Variants in ADTRP observed in about 807,000 individuals in gnomAD.
The protein encoded by ADTRP is androgen dependent TFPI regulating protein.
A neutral mutation model predicts 27.0 loss-of-function variants in ADTRP; 20 were observed. The ratio of observed to expected loss-of-function variants is 0.74; its 90% confidence interval spans 0.52 to 1.08. The LOEUF is 1.08. Ranked by LOEUF, ADTRP falls within the 50% of genes least tolerant of loss-of-function variation. The probability of loss-of-function intolerance (pLI) is 0.00; values close to 1 mark genes in which losing one functional copy is unlikely to be tolerated. For missense variants in ADTRP, 251 were observed against 275.0 expected (o/e 0.91, Z 0.62); for synonymous variants, 101 against 105.2 (o/e 0.96, Z 0.25).
At chr6:11,759,389 G>A (rs988842883) in intron 3 of ADTRP, among the ~76,000 whole-genome samples, 9 of 152,132 alleles carry the variant, frequency 5.9e-5, no homozygotes, top group Admixed American at 2.6e-4. Context: ...CAGCCATTCT[G>A]AGCTTTACCT....
chr6:11,749,478 G>A (rs1762972007), intron 3 of ADTRP, among the ~76,000 whole-genome samples: 1 of 152,088 alleles, frequency 6.6e-6, no homozygotes, highest in Admixed American at 6.6e-5. Context: ...AAGAACAAAA[G>A]CCATGGGAAT....
chr6:11,771,917 C>T (rs1763793580), intron 1 of ADTRP, among the ~76,000 whole-genome samples: 1 of 152,154 alleles, frequency 6.6e-6, no homozygotes, highest in Non-Finnish European at 1.5e-5. Context: ...CCCACATCTT[C>T]AACTTCCAGC....
intron 3 of ADTRP, among the ~76,000 whole-genome samples, chr6:11,746,161 T>C (rs1298531498): frequency 2.0e-5 from 3 of 152,298 alleles, no homozygotes; most frequent in African/African-American, 7.2e-5. Flanking sequence ...CTATAGGCTA[T>C]CAAGCTAAAG....
At chr6:11,735,085 A>C (rs750282121) in intron 4 of ADTRP, among the ~76,000 whole-genome samples, 17 of 152,226 alleles carry the variant, frequency 1.1e-4, no homozygotes, top group Non-Finnish European at 2.2e-4. Flanking sequence ...GCAATTGCCC[A>C]AATGCCTTCT....
chr6:11,737,815 C>T (rs890646724), intron 3 of ADTRP, among the ~76,000 whole-genome samples: 2 of 151,514 alleles, frequency 1.3e-5, no homozygotes, highest in African/African-American at 2.4e-5. Context: ...AAGGTTGGTC[C>T]TGAACATACT....
chr6:11,770,035 C>T lies in ADTRP; in HGVS notation c.154-1652G>A, dbSNP rs754016544. ...TTTACAAACGAGGAAACAAACCTGC[C>T]TAAAGCTTCCTGGCTGGTAGATGTC... On this transcript the variant is annotated intron_variant, in intron 1 of 5. Transcript: ENST00000414691. 89 of 1,551,702 alleles carry T rather than the reference C, an allele frequency of 5.7e-5. 1 individual carries two copies. In the South Asian group the frequency reaches 7.0e-4, roughly 12 times the overall value.
intron 4 of ADTRP, among the ~76,000 whole-genome samples, chr6:11,733,106 C>T (rs1359864072): frequency 6.6e-6 from 1 of 152,170 alleles, no homozygotes; most frequent in Non-Finnish European, 1.5e-5. Flanking sequence ...ATCTCTAAGT[C>T]ACCTCCCATT....
intron 1 of ADTRP, among the ~76,000 whole-genome samples, chr6:11,776,578 G>A (rs1763960520): frequency 6.6e-6 from 1 of 152,232 alleles, no homozygotes; most frequent in Non-Finnish European, 1.5e-5. Flanking sequence ...ATTTGGACTG[G>A]AGTTGGTCAG....
At chr6:11,741,722 A>G (rs201764732) in intron 3 of ADTRP, among the ~76,000 whole-genome samples, 7 of 52,712 alleles carry the variant, frequency 1.3e-4, no homozygotes, top group African/African-American at 6.4e-4. Context: ...GATTTTTTTT[A>G]AAAAAAAAAG....
At chr6:11,714,662 A>AG in intron 5 of ADTRP, 150 bp from the exon 6 acceptor site, 1 of 821,334 alleles carries the variant, frequency 1.2e-6, no homozygotes, top group East Asian at 3.0e-5. Context: ...AGGAGTTATG[A>AG]AAAAACAGCT....
intron 3 of ADTRP, among the ~76,000 whole-genome samples, chr6:11,747,037 G>A (rs1054242034): frequency 9.2e-5 from 14 of 152,200 alleles, no homozygotes; most frequent in African/African-American, 3.1e-4. Context: ...CACCTGCAAC[G>A]CAGGACCAGT....
At chr6:11,725,210 G>A (rs1762148167) in intron 4 of ADTRP, among the ~76,000 whole-genome samples, 1 of 152,154 alleles carries the variant, frequency 6.6e-6, no homozygotes, top group Non-Finnish European at 1.5e-5. Context: ...TGCAACAAAG[G>A]ACACAATAAA....
chr6:11,741,410 G>A (rs1337802494), intron 3 of ADTRP, among the ~76,000 whole-genome samples: 2 of 152,188 alleles, frequency 1.3e-5, no homozygotes, highest in East Asian at 3.8e-4. Context: ...GACATTGGGG[G>A]AAACATGAAT....
intron 3 of ADTRP, among the ~76,000 whole-genome samples, chr6:11,757,042 T>A (rs1289005307): frequency 6.6e-6 from 1 of 152,226 alleles, no homozygotes; most frequent in African/African-American, 2.4e-5. Flanking sequence ...ATGAATGTTG[T>A]ATTAACAGAA....
chr6:11,720,628 C>G (rs1761992030), intron 5 of ADTRP, among the ~76,000 whole-genome samples: 1 of 152,068 alleles, frequency 6.6e-6, no homozygotes, highest in African/African-American at 2.4e-5. Context: ...CCCGCCACCA[C>G]ACCCGGCTAA....
intron 5 of ADTRP, among the ~76,000 whole-genome samples, chr6:11,721,177 C>T (rs1326452178): frequency 6.6e-6 from 1 of 152,078 alleles, no homozygotes; most frequent in Middle Eastern, 3.2e-3. Flanking sequence ...CTGGAAGAGG[C>T]GAGTGTTGAA....
chr6:11,773,808 G>A (rs1318498584), intron 1 of ADTRP, among the ~76,000 whole-genome samples: 2 of 152,202 alleles, frequency 1.3e-5, no homozygotes, highest in Admixed American at 1.3e-4. Context: ...TCAGAAGCCA[G>A]GTCTTCAATC....
intron 5 of ADTRP, among the ~76,000 whole-genome samples, chr6:11,715,806 CTTTTTTTTTTTTTTTTTT>C (rs55961408): frequency 1.3e-5 from 1 of 77,700 alleles, no homozygotes; most frequent in African/African-American, 6.3e-5. Flanking sequence ...CCATGCCCAG[CTTTTTTTTTTTTTTTTTT>C]TTTTTTTTTT....
chr6:11,734,256 C>G lies in ADTRP; in HGVS notation c.506+1312G>C, dbSNP rs577992653. Among the ~76,000 whole-genome samples the G allele has an allele frequency of 2.6e-5, 4 of 152,324 alleles. No individual in the cohort carries two copies. The East Asian group carries it at 7.7e-4, about 29-fold the overall frequency. On this transcript the variant is annotated intron_variant, in intron 4 of 5. Transcript: ENST00000414691. The stretch of plus-strand genomic sequence containing the variant: ...TGTATTAAGCCAGATATGGCAAACA[C>G]ATAGCATATATCTTACCACTGTCCA...
Sources: allele counts gnomAD v4.1 joint callset (sites outside exome capture counted in the v4.1 genomes callset), GRCh38; gene constraint gnomAD v4.1.1; transcripts MANE v1.5; gene names NCBI Gene and HGNC (gene_info 2026-07-23, HGNC 2026-07-21).